The following AGBL4 variants were observed in gnomAD, a reference collection of about 807,000 sequenced individuals.
AGBL4 encodes the protein cytosolic carboxypeptidase 6.
In AGBL4, 58 loss-of-function variants were observed where a neutral mutation model predicts 66.4. That is an observed-to-expected ratio of 0.87 (90% CI 0.71 to 1.09). The LOEUF (loss-of-function observed/expected upper bound fraction) is 1.09, where lower values mean the gene tolerates loss of function less well. Ranked by LOEUF, AGBL4 falls within the 50% of genes least tolerant of loss-of-function variation. The pLI is 0.00. For synonymous variants in AGBL4, 234 were observed against 222.9 expected, an observed-to-expected ratio of 1.05 and a Z score of -0.44; for missense variants, 579 against 631.0, an observed-to-expected ratio of 0.92 and a Z score of 0.88.
intron 4 of AGBL4, among the ~76,000 whole-genome samples, chr1:49,159,871 G>A (rs1646507724): frequency 6.6e-6 from 1 of 152,000 alleles, no homozygotes; most frequent in South Asian, 2.1e-4. Flanking sequence ...TGATACTTGT[G>A]TATGCTTCAG....
chr1:48,777,714 A>G (rs765171015), intron 6 of AGBL4, among the ~76,000 whole-genome samples: 1 of 151,966 alleles, frequency 6.6e-6, no homozygotes, highest in Non-Finnish European at 1.5e-5. Context: ...CCTCTCCTCT[A>G]TAGTCTTTCT....
chr1:48,711,205 T>TG (rs1646962427), intron 6 of AGBL4, among the ~76,000 whole-genome samples: 1 of 151,986 alleles, frequency 6.6e-6, no homozygotes, highest in South Asian at 2.1e-4. Flanking sequence ...GCTGCACTCT[T>TG]GGGGGGCTGT....
At chr1:48,529,460 G>A (rs965831274), downstream of AGBL4, among the ~76,000 whole-genome samples, 4 of 152,100 alleles carry the variant, frequency 2.6e-5, no homozygotes, top group Non-Finnish European at 4.4e-5. Context: ...TGAGGATCCC[G>A]AGACTTAAAG....
At chr1:49,659,005 T>C (rs1411241689) in intron 3 of AGBL4, among the ~76,000 whole-genome samples, 1 of 151,904 alleles carries the variant, frequency 6.6e-6, no homozygotes, top group Non-Finnish European at 1.5e-5. Flanking sequence ...ACTTAAAGTA[T>C]AATAAAAAAA....
At chr1:49,767,959 T>A (rs1643938015) in intron 2 of AGBL4, among the ~76,000 whole-genome samples, 1 of 150,882 alleles carries the variant, frequency 6.6e-6, no homozygotes, top group Admixed American at 6.6e-5. Flanking sequence ...CAGTTGCATG[T>A]GTACCCTAGA....
chr1:49,554,302 T>C (rs1036998928), intron 3 of AGBL4, among the ~76,000 whole-genome samples: 1 of 152,192 alleles, frequency 6.6e-6, no homozygotes, highest in East Asian at 1.9e-4. Flanking sequence ...AAAGACAGAT[T>C]TATCTCTCCA....
intron 1 of AGBL4, among the ~76,000 whole-genome samples, chr1:49,919,289 C>T (rs1364646538): frequency 1.3e-5 from 2 of 152,208 alleles, no homozygotes; most frequent in African/African-American, 4.8e-5. Flanking sequence ...AACAGGAAGT[C>T]ACATTGGCCC....
At chr1:49,422,484 T>C (rs1277997578) in intron 3 of AGBL4, among the ~76,000 whole-genome samples, 1 of 152,238 alleles carries the variant, frequency 6.6e-6, no homozygotes, top group African/African-American at 2.4e-5. Flanking sequence ...ACTTCTTTGA[T>C]TTTGAAAATT....
In AGBL4 at chr1:48,739,475, T is replaced by A. The variant is rs115670585; in HGVS notation, c.635-76234A>T. Among the ~76,000 whole-genome samples, 427 of 152,354 alleles carry A rather than the reference T, an allele frequency of 2.8e-3. 4 individuals are homozygous for A. Among genetic ancestry groups the A allele is most frequent in the African/African-American group, 0.01 (419 of 41,574 alleles). ...CTACTATATTCATCTACATAGTCCA[T>A]CTACACTACAAAATTCCGGAACTTG... On this transcript the variant is annotated intron_variant, in intron 6 of 13. Transcript: ENST00000371839.
At position 49,161,817 on chromosome 1, in the gene AGBL4, TATTAC is replaced by T. The variant is rs552688368; in HGVS notation, c.377+83948_377+83952del. Among the ~76,000 whole-genome samples the T allele has an allele frequency of 3.5e-3, 529 of 152,248 alleles. 1 individual carries two copies. The highest frequency in any genetic ancestry group is 5.5e-3 in the Non-Finnish European group (376 of 68,022). On this transcript the variant is annotated intron_variant, in intron 4 of 13. Coordinates refer to ENST00000371839, the MANE Select transcript of AGBL4 (RefSeq NM_032785.4). Reference sequence around the variant, plus strand: ...AATGTTCCAACCATAGCTTCTAAGATATTACTCCCTGCTCAGAGCTTAGCAGTCCC... The same window carrying T: ...AATGTTCCAACCATAGCTTCTAAGATTCCCTGCTCAGAGCTTAGCAGTCCC...
intron 6 of AGBL4, among the ~76,000 whole-genome samples, chr1:48,738,834 A>C (rs1219279786): frequency 6.6e-6 from 1 of 152,146 alleles, no homozygotes; most frequent in Non-Finnish European, 1.5e-5. Context: ...ACGTACAATG[A>C]ACCAGGTATT....
At chr1:48,967,368 A>G (rs530313098) in intron 5 of AGBL4, among the ~76,000 whole-genome samples, 1 of 152,242 alleles carries the variant, frequency 6.6e-6, no homozygotes, top group Non-Finnish European at 1.5e-5. Context: ...TCTACACTTA[A>G]CTCAAAAACT....
intron 3 of AGBL4, among the ~76,000 whole-genome samples, chr1:49,604,047 G>A (rs141452194): frequency 6.6e-6 from 1 of 151,138 alleles, no homozygotes; most frequent in Non-Finnish European, 1.5e-5. Context: ...TACACATGTA[G>A]TTATGTTTTT....
At chr1:49,955,651 T>G (rs1020339004) in intron 1 of AGBL4, among the ~76,000 whole-genome samples, 1 of 151,944 alleles carries the variant, frequency 6.6e-6, no homozygotes, top group East Asian at 1.9e-4. Context: ...TAGAGCTCCA[T>G]TTCTTAATGA....
chr1:49,914,571 C>A (rs1042490000), intron 1 of AGBL4, among the ~76,000 whole-genome samples: 1 of 152,178 alleles, frequency 6.6e-6, no homozygotes. Flanking sequence ...CTTACTGCTT[C>A]TTTTATGGCA....
chr1:48,781,225 A>G (rs1423463453), intron 6 of AGBL4, among the ~76,000 whole-genome samples: 1 of 152,220 alleles, frequency 6.6e-6, no homozygotes, highest in Non-Finnish European at 1.5e-5. Context: ...GTAAACACAG[A>G]TCAAAACACA....
At chr1:48,660,386 T>C (rs182732021) in intron 7 of AGBL4, among the ~76,000 whole-genome samples, 8 of 152,196 alleles carry the variant, frequency 5.3e-5, no homozygotes, top group Non-Finnish European at 8.8e-5. Flanking sequence ...AGCCAGTTAA[T>C]GTGGAAGAGT....
chr1:49,105,917 T>G (rs1299553355), intron 4 of AGBL4, among the ~76,000 whole-genome samples: 7 of 152,172 alleles, frequency 4.6e-5, no homozygotes, highest in Non-Finnish European at 7.4e-5. Context: ...AGGGCAAAAT[T>G]AGAAGTACTG....
At chr1:48,565,863 C>T (rs1194884831) in intron 11 of AGBL4, among the ~76,000 whole-genome samples, 1 of 152,226 alleles carries the variant, frequency 6.6e-6, no homozygotes, top group Non-Finnish European at 1.5e-5. Context: ...AATCCTGCAA[C>T]TTCACTGAGA....
Sources: gnomAD v4.1 joint callset for allele counts (sites outside exome capture counted in the v4.1 genomes callset) on GRCh38, gnomAD v4.1.1 for gene constraint, MANE v1.5 for transcripts, NCBI Gene and HGNC (gene_info 2026-07-23, HGNC 2026-07-21) for gene names.